FOXP1: variants seen among roughly 807,000 people sequenced by gnomAD.
FOXP1 encodes forkhead box P1.
Under a neutral mutation model 98.2 loss-of-function variants are expected in FOXP1, and 15 were observed. The observed-to-expected ratio is 0.15, with a 90% confidence interval of 0.10 to 0.24. The LOEUF (loss-of-function observed/expected upper bound fraction) is 0.24, where lower values mean the gene tolerates loss of function less well. Among genes scored for constraint, FOXP1 ranks in the 10% least tolerant of loss-of-function variants. The pLI, the probability that FOXP1 is intolerant of heterozygous loss-of-function variation, is 1.00. For missense variants in FOXP1, 633 were observed against 848.5 expected (o/e 0.75, Z 3.15); for synonymous variants, 371 against 314.5 (o/e 1.18, Z -1.90).
intron 7 of FOXP1, among the ~76,000 whole-genome samples, chr3:71,062,766 G>C (rs970529363): frequency 2.6e-5 from 4 of 152,176 alleles, no homozygotes; most frequent in Admixed American, 1.3e-4. Flanking sequence ...AAGTTCTTAA[G>C]GCAAACGGGT....
At position 71,279,499 on chromosome 3, in the gene FOXP1, C is replaced by T. The variant is rs114783974; in HGVS notation, c.-12+20321G>A. Among the ~76,000 whole-genome samples the T allele has an allele frequency of 5.7e-3, 871 of 152,202 alleles. 11 individuals are homozygous for T. The highest frequency in any genetic ancestry group is 0.02 in the African/African-American group (842 of 41,516). Reference sequence around the variant, plus strand: ...ACCAGGGACGCTGCAAAATATCCCACAAATCACAGCACAGTCTCCCACAAG... The same window carrying T: ...ACCAGGGACGCTGCAAAATATCCCATAAATCACAGCACAGTCTCCCACAAG... On this transcript the variant is annotated intron_variant, in intron 5 of 20. Transcript: ENST00000649528.
chr3:70,989,358 G>GA (rs1027457207), intron 13 of FOXP1, among the ~76,000 whole-genome samples: 2 of 151,084 alleles, frequency 1.3e-5, no homozygotes, highest in African/African-American at 2.4e-5. Context: ...AAGAAAGAAA[G>GA]AAAAAAACAG....
intron 7 of FOXP1, among the ~76,000 whole-genome samples, chr3:71,107,659 T>C (rs762064047): frequency 6.6e-6 from 1 of 152,148 alleles, no homozygotes; most frequent in African/African-American, 2.4e-5. Context: ...TACTAATCAG[T>C]GCATAGGGCT....
intron 6 of FOXP1, among the ~76,000 whole-genome samples, chr3:71,142,388 CA>C (rs1487113224): frequency 6.6e-6 from 1 of 152,140 alleles, no homozygotes; most frequent in Non-Finnish European, 1.5e-5. Flanking sequence ...ATTAAGGTCC[CA>C]AATCAGCTGA....
At chr3:71,310,931 G>A (rs1219922376) in intron 4 of FOXP1, among the ~76,000 whole-genome samples, 1 of 152,164 alleles carries the variant, frequency 6.6e-6, no homozygotes, top group Non-Finnish European at 1.5e-5. Context: ...CACTGCAGCT[G>A]AACTGATTCT....
chr3:70,972,888 C>T (rs568804956), intron 17 of FOXP1, among the ~76,000 whole-genome samples: 6 of 152,164 alleles, frequency 3.9e-5, no homozygotes, highest in East Asian at 1.9e-4. Flanking sequence ...TTGGCATTTT[C>T]GTCTAGTCTC....
At chr3:71,037,525 A>G (rs1307981633) in intron 11 of FOXP1, among the ~76,000 whole-genome samples, 1 of 152,146 alleles carries the variant, frequency 6.6e-6, no homozygotes, top group African/African-American at 2.4e-5. Context: ...GTCCCTATGG[A>G]ATAAAATGAC....
At chr3:71,521,770 T>C (rs1317690590) in intron 2 of FOXP1, among the ~76,000 whole-genome samples, 2 of 152,216 alleles carry the variant, frequency 1.3e-5, no homozygotes, top group African/African-American at 4.8e-5. Context: ...TCTGGCCACA[T>C]GAAACTAATG....
intron 6 of FOXP1, among the ~76,000 whole-genome samples, chr3:71,192,449 T>C (rs1312630887): frequency 1.3e-5 from 2 of 152,160 alleles, no homozygotes; most frequent in Non-Finnish European, 2.9e-5. Flanking sequence ...CATCCAGTGG[T>C]GGTTGCTGCC....
chr3:70,973,045 A>ATAAAAAGGGGGTATTTTT (rs1295998284), intron 17 of FOXP1, among the ~76,000 whole-genome samples: 1 of 152,206 alleles, frequency 6.6e-6, no homozygotes, highest in African/African-American at 2.4e-5. Flanking sequence ...CCTACCTCCC[A>ATAAAAAGGGGGTATTTTT]TAAAAAGGGG....
At chr3:71,159,774 C>T (rs1213026114) in intron 6 of FOXP1, among the ~76,000 whole-genome samples, 1 of 152,154 alleles carries the variant, frequency 6.6e-6, no homozygotes. Context: ...AAGATCCACA[C>T]ACAATGGGTT....
rs372509729 is a variant in FOXP1, at chr3:71,207,743, A to G, written c.-11-9351T>C. ...AACAGCAACAAACAATAACTTAAAAAAAAAATGATGATATGATGCGAGCTG... is the reference window on the plus strand; with the variant it reads ...AACAGCAACAAACAATAACTTAAAAGAAAAATGATGATATGATGCGAGCTG... On this transcript the variant is annotated intron_variant, in intron 5 of 20. Coordinates refer to ENST00000649528, the MANE Select transcript of FOXP1 (RefSeq NM_001349338.3). Among the ~76,000 whole-genome samples, 763 of 152,328 alleles carry G rather than the reference A, an allele frequency of 5.0e-3. 2 individuals carry two copies. The highest frequency in any genetic ancestry group is 8.5e-3 in the Non-Finnish European group (579 of 68,038).
chr3:71,499,459 T>A lies in FOXP1; in HGVS notation c.-297-5904A>T, dbSNP rs553116648. Reference sequence around the variant, plus strand: ...ATATAAACACGCACAAGTATACATATGTGCATATAAACATACAGACATGCA... The same window carrying A: ...ATATAAACACGCACAAGTATACATAAGTGCATATAAACATACAGACATGCA... On this transcript the variant is annotated intron_variant, in intron 2 of 20. Transcript: ENST00000649528. 2.0e-5 allele frequency among the ~76,000 whole-genome samples: 3 copies of A among 152,382 alleles called. No individual in the cohort carries two copies. In the South Asian group the frequency reaches 6.2e-4, roughly 32 times the overall value.
chr3:70,966,485 G>A (rs2034808010), intron 19 of FOXP1: 1 of 215,492 alleles, frequency 4.6e-6, no homozygotes, highest in African/African-American at 2.3e-5. Context: ...AGATTATCCT[G>A]GCCGCACCGC....
At position 71,047,174 on chromosome 3, in the gene FOXP1, A is replaced by G; in HGVS notation, c.511-79T>C. ...AAGTATGGACACTTCAAAACTCACC[A>G]TCATCATCAAATGCTGAGAATGGTC... On this transcript the variant is annotated intron_variant, in intron 9 of 20. Transcript: ENST00000649528. The G allele has an allele frequency of 3.3e-6, 5 of 1,514,844 alleles. No individual in the cohort carries two copies. In the Admixed American group the frequency reaches 6.7e-5, roughly 20 times the overall value. The allele number at this position is 1,514,844 out of a possible 1,614,324, so 93.8% of individuals were successfully genotyped here.
chr3:71,501,543 T>G (rs1318988746), intron 2 of FOXP1, among the ~76,000 whole-genome samples: 1 of 152,250 alleles, frequency 6.6e-6, no homozygotes, highest in Non-Finnish European at 1.5e-5. Context: ...TCCACCCACC[T>G]TGGCCTCCAA....
chr3:71,146,620 T>C (rs1018131250), intron 6 of FOXP1, among the ~76,000 whole-genome samples: 1 of 152,208 alleles, frequency 6.6e-6, no homozygotes, highest in Non-Finnish European at 1.5e-5. Context: ...TCACTTCTTT[T>C]AAAAACCTTC....
chr3:71,356,997 C>T (rs185154084), intron 4 of FOXP1, among the ~76,000 whole-genome samples: 2 of 152,256 alleles, frequency 1.3e-5, no homozygotes, highest in East Asian at 1.9e-4. Context: ...GTCCCGTGCA[C>T]CCCACTCCCA....
chr3:71,178,079 C>G (rs895096229), intron 6 of FOXP1, among the ~76,000 whole-genome samples: 1 of 151,048 alleles, frequency 6.6e-6, no homozygotes, highest in Non-Finnish European at 1.5e-5. Flanking sequence ...AGAAATCATC[C>G]TGCCTCGGCC....
Sources: allele counts gnomAD v4.1 joint callset (sites outside exome capture counted in the v4.1 genomes callset), GRCh38; gene constraint gnomAD v4.1.1; transcripts MANE v1.5; gene names NCBI Gene and HGNC (gene_info 2026-07-23, HGNC 2026-07-21).